VWA5B1: variants seen among roughly 807,000 people sequenced by gnomAD.
The protein encoded by VWA5B1 is von Willebrand factor A domain containing 5B1.
Under a neutral mutation model 118.2 loss-of-function variants are expected in VWA5B1, and 115 were observed. That is an observed-to-expected ratio of 0.97 (90% CI 0.84 to 1.14). The LOEUF (loss-of-function observed/expected upper bound fraction) is 1.14, where lower values mean the gene tolerates loss of function less well. Ranked by LOEUF, VWA5B1 falls within the 50% of genes most tolerant of loss-of-function variation. The pLI, the probability that VWA5B1 is intolerant of heterozygous loss-of-function variation, is 0.00. For missense variants in VWA5B1, 1,596 were observed against 1,603.8 expected (o/e 1.00, Z 0.08); for synonymous variants, 682 against 658.4 (o/e 1.04, Z -0.55).
intron 1 of VWA5B1, among the ~76,000 whole-genome samples, chr1:20,308,199 G>T (rs1456185010): frequency 6.6e-6 from 1 of 152,074 alleles, no homozygotes. Flanking sequence ...TGCTGCAAAG[G>T]ACATGGTTTT....
At position 20,323,350 on chromosome 1, in the gene VWA5B1, TTCCAGACAGAAATCATTCGAAAACGCC is replaced by T. The variant is rs1313934728; in HGVS notation, c.967-1_992del. On this transcript the variant is annotated splice_acceptor_variant and splice_polypyrimidine_tract_variant and coding_sequence_variant and intron_variant, in exon 8 of 22. Coordinates refer to ENST00000289815, the MANE Select transcript of VWA5B1 (RefSeq NM_001039500.3). LOFTEE classifies it high-confidence loss of function. ...TGCCCAATCAGAGTGTTCTTTCCTC[TTCCAGACAGAAATCATTCGAAAACGCC>T]TCCACAAAGACATTCCCCACCACTC... The T allele has an allele frequency of 6.8e-7, 1 of 1,464,574 alleles. No homozygotes were observed. Among genetic ancestry groups the T allele is most frequent in the East Asian group, 2.7e-5 (1 of 36,904 alleles). 90.7% of individuals were successfully genotyped at this position (1,464,574 alleles called of 1,614,324 possible).
In VWA5B1 at chr1:20,330,209, C is replaced by G; in HGVS notation, c.1284C>G (p.Ile428Met). The G allele has an allele frequency of 6.4e-7, 1 of 1,551,728 alleles. No homozygotes were observed. The highest frequency in any genetic ancestry group is 2.0e-5 in the Admixed American group (1 of 51,012). Reference sequence around the variant, plus strand: ...GCTTGGCCATGGCTTGTGATGACATCCAGAGAATGAAGGCCGACATGGGTG... The same window carrying G: ...GCTTGGCCATGGCTTGTGATGACATGCAGAGAATGAAGGCCGACATGGGTG... ...EDSLAMACDD[I>M]QRMKADMGGT... Residue 428 changes from isoleucine to methionine, a missense_variant, in exon 10 of 22, where the codon ATC (isoleucine) becomes ATG (methionine). Physicochemically the swap from Ile to Met is conservative, Grantham distance 10. Transcript: ENST00000289815.
intron 8 of VWA5B1, among the ~76,000 whole-genome samples, chr1:20,327,050 T>C (rs2089408053): frequency 6.6e-6 from 1 of 152,170 alleles, no homozygotes; most frequent in Admixed American, 6.5e-5. Context: ...TCATCAATTT[T>C]GCTTCTACCA....
chr1:20,295,783 G>A (rs999897096), intron 1 of VWA5B1, among the ~76,000 whole-genome samples: 62 of 152,282 alleles, frequency 4.1e-4, no homozygotes, highest in Non-Finnish European at 8.4e-4. Flanking sequence ...CTGGTTCGCC[G>A]TAGTGTCCCC....
intron 16 of VWA5B1, 34 bp downstream of exon 16, chr1:20,343,427 C>A: frequency 1.4e-6 from 2 of 1,477,768 alleles, no homozygotes; most frequent in South Asian, 1.3e-5. Context: ...CTCCCGCGGA[C>A]GGCCTCCGGA....
Position 20,318,669 on chromosome 1 carries a change from G to A in VWA5B1, c.789G>A (p.Leu263=). ...ARSAKSIIIT[L]ANKHTFDRPV... Reference sequence around the variant, plus strand: ...CGGCCAAGAGCATCATCATCACCTTGGCCAACAAGCACACCTTTGACCGGC... The same window carrying A: ...CGGCCAAGAGCATCATCATCACCTTAGCCAACAAGCACACCTTTGACCGGC... Residue 263 remains leucine (L), a synonymous_variant, in exon 6 of 22, where the codon TTG becomes TTA. Coordinates refer to ENST00000289815, the MANE Select transcript of VWA5B1 (RefSeq NM_001039500.3). 2 of 1,546,866 alleles carry A rather than the reference G, an allele frequency of 1.3e-6. No homozygotes were observed. Among genetic ancestry groups the A allele is most frequent in the South Asian group, 1.2e-5 (1 of 83,388 alleles).
chr1:20,353,693 C>T lies in VWA5B1; in HGVS notation c.3142-64C>T, dbSNP rs540590567. ...TGGGCAACATGGATCCAGACTTTTG[C>T]ATGGCCTATGGCTCCCTGGGCTAAA... is the stretch of plus-strand genomic sequence containing the variant. On this transcript the variant is annotated intron_variant, in intron 21 of 21. Transcript: ENST00000289815. The T allele has an allele frequency of 3.5e-6, 5 of 1,433,296 alleles. No individual in the cohort carries two copies. In the Admixed American group the frequency reaches 8.8e-5, roughly 25 times the overall value. 88.8% of individuals were successfully genotyped at this position (1,433,296 alleles called of 1,614,324 possible). A position where few individuals can be genotyped will look rare whatever the true frequency, so the allele number is the denominator to read the frequency against.
At chr1:20,317,796 C>A in intron 5 of VWA5B1, 121 bp downstream of exon 5, 1 of 1,271,232 alleles carries the variant, frequency 7.9e-7, no homozygotes, top group Non-Finnish European at 1.0e-6. Flanking sequence ...TACTAAAGTA[C>A]ACAAAGCCTG....
intron 1 of VWA5B1, 150 bp from the exon 2 acceptor site, chr1:20,310,426 C>A (rs1213437437): frequency 1.1e-5 from 8 of 722,066 alleles, no homozygotes; most frequent in Non-Finnish European, 1.7e-5. Flanking sequence ...AGTTATCCTG[C>A]GGTCACTTCC....
chr1:20,343,158 C>T lies in VWA5B1; in HGVS notation c.2391C>T (p.Ala797=), dbSNP rs543578195. The change falls in exon 16 of 22, where the codon GCC becomes GCT. Residue 797 remains alanine (A), a synonymous_variant. Coordinates refer to ENST00000289815, the MANE Select transcript of VWA5B1 (RefSeq NM_001039500.3). ...CCCCAGCCGAGTCCCAGGAGCGAGC[C>T]AGTCCCAGCAGGCCCGCCACCCCGG... ...WDPPAESQER[A]SPSRPATPAP... 6.5e-7 allele frequency: 1 copy of T among 1,548,712 alleles called. No individual in the cohort carries two copies. Among genetic ancestry groups the T allele is most frequent in the South Asian group, 1.2e-5 (1 of 83,970 alleles).
At position 20,345,473 on chromosome 1, in the gene VWA5B1, C is replaced by G. The variant is rs772877826; in HGVS notation, c.2644C>G (p.Gln882Glu). ...CTCCACAGGGTCCAACCGCCGCTAC[C>G]AAGTGAGCGCCTTGCACACCAGCAA... is the stretch of plus-strand genomic sequence containing the variant. ...EIEQGSNRRYQVSALHTSKAC... is the reference protein window; with the variant it reads ...EIEQGSNRRYEVSALHTSKAC... Residue 882 changes from glutamine (Q) to glutamate (E), a missense_variant, in exon 17 of 22, where the codon CAA becomes GAA. Gln to Glu is a conservative substitution (Grantham distance 29). Coordinates refer to ENST00000289815, the MANE Select transcript of VWA5B1 (RefSeq NM_001039500.3). 1.9e-6 allele frequency: 3 copies of G among 1,551,170 alleles called. No individual in the cohort carries two copies. The highest frequency in any genetic ancestry group is 2.7e-5 in the African/African-American group (2 of 73,172).
Position 20,314,488 on chromosome 1 carries a change from G to A in VWA5B1, c.459G>A (p.Thr153=), listed in dbSNP as rs369868043. 6.7e-5 allele frequency: 104 copies of A among 1,551,638 alleles called. No individual in the cohort carries two copies. The highest frequency in any genetic ancestry group is 7.7e-5 in the Non-Finnish European group (88 of 1,147,026). Residue 153 remains threonine, a synonymous_variant, in exon 4 of 22, where the codon ACG becomes ACA. Transcript: ENST00000289815. The stretch of plus-strand genomic sequence containing the variant: ...TCAGCACCTCCTCGGAGCTCCCAAC[G>A]CTGCCCAGCGGGGCTGTGAGGGTCC... ...IFISTSSELP[T]LPSGAVRVLL...
rs2089438473 is a variant in VWA5B1, at chr1:20,327,975, T to C, written c.1229T>C (p.Phe410Ser). The C allele has an allele frequency of 6.4e-7, 1 of 1,551,482 alleles. No individual in the cohort carries two copies. Among genetic ancestry groups the C allele is most frequent in the African/African-American group, 1.4e-5 (1 of 73,000 alleles). Residue 410 changes from phenylalanine to serine, a missense_variant, in exon 9 of 22, where the codon TTT (phenylalanine) becomes TCT (serine). Phe to Ser is a radical substitution (Grantham distance 155). Coordinates refer to ENST00000289815, the MANE Select transcript of VWA5B1 (RefSeq NM_001039500.3). The part of the protein sequence containing the change: ...IGFGSTFKSL[F>S]PSSQTYSEDS... ...TTTGGATCCACATTTAAGAGCCTTT[T>C]TCCTTCCAGCCAGACCTACAGTGAG... is the stretch of plus-strand genomic sequence containing the variant.
At position 20,356,047 on chromosome 1, in the gene VWA5B1, G is replaced by A. The variant is rs950570992; in HGVS notation, c.*1784G>A. 6.6e-6 allele frequency among the ~76,000 whole-genome samples: 1 copy of A among 152,210 alleles called. No homozygotes were observed. Among genetic ancestry groups the A allele is most frequent in the Non-Finnish European group, 1.5e-5 (1 of 68,030 alleles). On this transcript the variant is annotated 3_prime_UTR_variant, in exon 22 of 22. Transcript: ENST00000289815. ...CCAAGGCGGGTAAGAGCTTTGGGTT[G>A]TCTTGCTCCAGGCTTCCAGGAGATG...
At chr1:20,306,000 T>A (rs2088641261) in intron 1 of VWA5B1, among the ~76,000 whole-genome samples, 1 of 151,956 alleles carries the variant, frequency 6.6e-6, no homozygotes, top group South Asian at 2.1e-4. Context: ...CAAGCACAGT[T>A]CAAGGTACTA....
chr1:20,353,778 G>C lies in VWA5B1; in HGVS notation c.3163G>C (p.Gly1055Arg). Residue 1055 changes from glycine to arginine, a missense_variant, in exon 22 of 22, where the codon GGA becomes CGA. Gly to Arg is a moderately radical substitution (Grantham distance 125, BLOSUM62 -2). Coordinates refer to ENST00000289815, the MANE Select transcript of VWA5B1 (RefSeq NM_001039500.3). ...ACAGGTGTCTCTGCAGCTGGCCTCC[G>C]GAGCCTTCCTGCTCAACGAAGCCTT... ...IPLVSLQLAS[G>R]AFLLNEAFCE... 1 of 1,462,450 alleles carries C rather than the reference G, an allele frequency of 6.8e-7. No individual in the cohort carries two copies. Among genetic ancestry groups the C allele is most frequent in the Non-Finnish European group, 9.1e-7 (1 of 1,104,662 alleles). The allele number at this position is 1,462,450 out of a possible 1,614,324, so 90.6% of individuals were successfully genotyped here.
intron 3 of VWA5B1, among the ~76,000 whole-genome samples, chr1:20,313,718 C>T (rs1457062200): frequency 1.3e-5 from 2 of 152,204 alleles, no homozygotes; most frequent in African/African-American, 4.8e-5. Context: ...GTTCGGTGAG[C>T]ACTCATCCTG....
chr1:20,291,933 G>A (rs1168617907), intron 1 of VWA5B1, among the ~76,000 whole-genome samples: 6 of 152,114 alleles, frequency 3.9e-5, no homozygotes, highest in African/African-American at 7.2e-5. Flanking sequence ...CCATGCTCCC[G>A]CCGCCGGCAC....
In VWA5B1 at chr1:20,343,154, G is replaced by T. The variant is rs1330892323; in HGVS notation, c.2387G>T (p.Arg796Leu). Residue 796 changes from arginine (R) to leucine (L), a missense_variant, in exon 16 of 22, where the codon CGA becomes CTA. Arg to Leu is a moderately radical substitution (Grantham distance 102, BLOSUM62 -2). Transcript: ENST00000289815. ...GACCCCCCAGCCGAGTCCCAGGAGC[G>T]AGCCAGTCCCAGCAGGCCCGCCACC... ...DWDPPAESQERASPSRPATPA... is the reference protein window; with the variant it reads ...DWDPPAESQELASPSRPATPA... 1 of 1,548,024 alleles carries T rather than the reference G, an allele frequency of 6.5e-7. No individual in the cohort carries two copies. The highest frequency in any genetic ancestry group is 1.2e-5 in the South Asian group (1 of 83,948).
Sources: allele counts gnomAD v4.1 joint callset (sites outside exome capture counted in the v4.1 genomes callset), GRCh38; gene constraint gnomAD v4.1.1; transcripts MANE v1.5; gene names NCBI Gene and HGNC (gene_info 2026-07-23, HGNC 2026-07-21).